The following SLC25A12 variants were observed in gnomAD, a reference collection of about 807,000 sequenced individuals.
The protein encoded by SLC25A12 is electrogenic aspartate/glutamate antiporter SLC25A12, mitochondrial.
SLC25A12 carries 32 observed loss-of-function variants against 83.3 expected under a neutral mutation model. The observed-to-expected ratio is 0.38, with a 90% confidence interval of 0.29 to 0.52. SLC25A12 has a LOEUF of 0.52. Ranked by LOEUF, SLC25A12 falls within the 20% of genes least tolerant of loss-of-function variation. The pLI, the probability that SLC25A12 is intolerant of heterozygous loss-of-function variation, is 0.84. For synonymous variants in SLC25A12, 267 were observed against 291.1 expected (o/e 0.92, Z 0.84); for missense variants, 611 against 835.6 (o/e 0.73, Z 3.31).
At chr2:171,788,203 TGAGA>T (rs925166177) in intron 15 of SLC25A12, 9 of 389,486 alleles carry the variant, frequency 2.3e-5, no homozygotes, top group African/African-American at 1.2e-4. Flanking sequence ...CAAATAACTG[TGAGA>T]GAGAAAAAAA....
intron 3 of SLC25A12, among the ~76,000 whole-genome samples, chr2:171,859,455 G>A (rs145710035): frequency 1.3e-4 from 20 of 152,296 alleles, no homozygotes; most frequent in Non-Finnish European, 2.6e-4. Flanking sequence ...CTGGGTGACA[G>A]AGTGAGACTC....
chr2:171,826,907 T>A (rs781195519), intron 8 of SLC25A12, 25 bp from the exon 9 acceptor site: 15 of 1,332,922 alleles, frequency 1.1e-5, no homozygotes, highest in Admixed American at 3.4e-5. Context: ...TAGGAAAGAA[T>A]TGTTAGACAC....
chr2:171,874,693 G>A (rs973897058), intron 2 of SLC25A12, among the ~76,000 whole-genome samples: 1 of 152,114 alleles, frequency 6.6e-6, no homozygotes, highest in Non-Finnish European at 1.5e-5. Flanking sequence ...AGAATACTAT[G>A]CAGCCATAAA....
chr2:171,879,757 G>A (rs1685650816), intron 2 of SLC25A12, among the ~76,000 whole-genome samples: 1 of 152,150 alleles, frequency 6.6e-6, no homozygotes, highest in African/African-American at 2.4e-5. Flanking sequence ...GCTGCTCCTA[G>A]GGGGATGGAA....
intron 4 of SLC25A12, among the ~76,000 whole-genome samples, chr2:171,850,335 TTG>T (rs1345560637): frequency 0.027 from 3,039 of 113,570 alleles, 84 homozygotes; most frequent in Non-Finnish European, 0.038. Context: ...AGGCTGGTCT[TTG>T]TTTTTTTTTT....
chr2:171,802,866 C>T (rs17581284), intron 13 of SLC25A12, among the ~76,000 whole-genome samples: 71,017 of 152,128 alleles, frequency 0.47, 19,003 homozygotes, highest in East Asian at 0.69. Context: ...TAAAATAAGA[C>T]ATTCCACTGT....
intron 2 of SLC25A12, among the ~76,000 whole-genome samples, chr2:171,891,713 C>T (rs1043662625): frequency 6.6e-6 from 1 of 152,200 alleles, no homozygotes; most frequent in South Asian, 2.1e-4. Flanking sequence ...AAACAATTGA[C>T]TATAATCACA....
chr2:171,867,193 C>T (rs1461019813), intron 3 of SLC25A12, among the ~76,000 whole-genome samples: 4 of 149,678 alleles, frequency 2.7e-5, no homozygotes, highest in South Asian at 2.1e-4. Context: ...AGACGATGGG[C>T]GGCCAGGCAG....
chr2:171,792,556 C>T (rs1445001522), intron 14 of SLC25A12, among the ~76,000 whole-genome samples: 1 of 151,386 alleles, frequency 6.6e-6, no homozygotes, highest in African/African-American at 2.4e-5. Context: ...GCCTTGGCCT[C>T]CCAAAGTGCT....
intron 2 of SLC25A12, among the ~76,000 whole-genome samples, chr2:171,870,838 T>C (rs2105919475): frequency 6.6e-6 from 1 of 152,338 alleles, no homozygotes; most frequent in East Asian, 1.9e-4. Flanking sequence ...TGATTGTTGG[T>C]TTGCTTTCTA....
At chr2:171,894,051 C>T in intron 1 of SLC25A12, 152 bp downstream of exon 1, 1 of 1,091,222 alleles carries the variant, frequency 9.2e-7, no homozygotes, top group Non-Finnish European at 1.4e-6. Flanking sequence ...CGGTCCAAGC[C>T]CCGCACAGCT....
chr2:171,817,734 AAAG>A (rs1274292057), intron 9 of SLC25A12, among the ~76,000 whole-genome samples: 2 of 152,084 alleles, frequency 1.3e-5, no homozygotes, highest in African/African-American at 4.8e-5. Context: ...TATCCTTTCA[AAAG>A]AATATGTTGA....
Position 171,867,452 on chromosome 2 carries a change from G to A in SLC25A12, c.209+1229C>T, listed in dbSNP as rs571059175. Among the ~76,000 whole-genome samples, 316 of 152,312 alleles carry A rather than the reference G, an allele frequency of 2.1e-3. 3 individuals are homozygous for A. Among genetic ancestry groups the A allele is most frequent in the Non-Finnish European group, 3.7e-3 (251 of 68,012 alleles). ...TGGAGACCAGCCCGGCCAACACAGC[G>A]AAACCCCGTCTCCACCAAAAAAATA... On this transcript the variant is annotated intron_variant, in intron 3 of 17. Coordinates refer to ENST00000422440, the MANE Select transcript of SLC25A12 (RefSeq NM_003705.5).
Position 171,859,831 on chromosome 2 carries a change from G to A in SLC25A12, c.210-3882C>T, listed in dbSNP as rs554602842. 7.2e-5 allele frequency among the ~76,000 whole-genome samples: 11 copies of A among 151,880 alleles called. No individual in the cohort carries two copies. In the East Asian group the frequency reaches 1.2e-3, roughly 16 times the overall value. ...AGCTGGAGTGCAATGGCATGATCTC[G>A]GCCCACTGCAACCTCCGCCTCCACC... On this transcript the variant is annotated intron_variant, in intron 3 of 17. Transcript: ENST00000422440.
At chr2:171,848,591 AGAG>A (rs1375296594) in intron 4 of SLC25A12, among the ~76,000 whole-genome samples, 2 of 152,154 alleles carry the variant, frequency 1.3e-5, no homozygotes, top group African/African-American at 4.8e-5. Flanking sequence ...TTGGGAGGAA[AGAG>A]GAGGAACAAC....
chr2:171,834,000 T>G lies in SLC25A12; in HGVS notation c.808A>C (p.Ile270Leu). 6.2e-7 allele frequency: 1 copy of G among 1,607,156 alleles called. No homozygotes were observed. The highest frequency in any genetic ancestry group is 1.3e-5 in the African/African-American group (1 of 74,864). Reference protein sequence around the residue: ...YGQVTPLEIDILYQLADLYNA... With the variant: ...YGQVTPLEIDLLYQLADLYNA... ...TATAAGTCTGCAAGCTGATATAGAA[T>G]ATCAATTTCTAGTGGTGTGACTTGT... Residue 270 changes from isoleucine to leucine, a missense_variant, in exon 8 of 18, where the codon ATT (isoleucine) becomes CTT (leucine). By Grantham distance (5) the Ile-to-Leu change is conservative (BLOSUM62 2). Coordinates refer to ENST00000422440, the MANE Select transcript of SLC25A12 (RefSeq NM_003705.5).
intron 13 of SLC25A12, among the ~76,000 whole-genome samples, chr2:171,802,762 C>T (rs143959789): frequency 0.022 from 3,283 of 152,116 alleles, 56 homozygotes; most frequent in Non-Finnish European, 0.032. Context: ...GGCGACAGTG[C>T]GAGACTCTGT....
rs372900858 is a variant in SLC25A12 at position 171,826,933 on chromosome 2, G to A, written c.846-51C>T. 194 of 925,742 alleles carry A rather than the reference G, an allele frequency of 2.1e-4. 1 individual carries two copies. In the African/African-American group the frequency reaches 2.5e-3, roughly 12 times the overall value. 57.3% of individuals were successfully genotyped at this position (925,742 alleles called of 1,614,324 possible). The stretch of plus-strand genomic sequence containing the variant: ...TGTTAGACACTGACAAACTCCTCAC[G>A]CCAAAATCATCTTTTCTCAAAAAAA... On this transcript the variant is annotated intron_variant, in intron 8 of 17. Transcript: ENST00000422440.
intron 4 of SLC25A12, among the ~76,000 whole-genome samples, chr2:171,850,337 GTTTTTTT>G (rs55922545): frequency 1.8e-5 from 1 of 56,162 alleles, no homozygotes; most frequent in African/African-American, 7.0e-5. Context: ...GCTGGTCTTT[GTTTTTTT>G]TTTTTTTTTT....
Sources: gnomAD v4.1 joint callset for allele counts (sites outside exome capture counted in the v4.1 genomes callset) on GRCh38, gnomAD v4.1.1 for gene constraint, MANE v1.5 for transcripts, NCBI Gene and HGNC (gene_info 2026-07-23, HGNC 2026-07-21) for gene names.